Variants in RORA observed in about 807,000 individuals in gnomAD.
RORA encodes the protein RAR related orphan receptor A, also known as nuclear receptor ROR-alpha.
RORA carries 7 observed loss-of-function variants against 69.5 expected under a neutral mutation model. The ratio of observed to expected loss-of-function variants is 0.10; its 90% confidence interval spans 0.06 to 0.19. The LOEUF is 0.19. RORA is among the 10% of genes least tolerant of loss of function. The pLI is 1.00. For synonymous variants in RORA, 261 were observed against 240.8 expected, an observed-to-expected ratio of 1.08 and a Z score of -0.78; for missense variants, 457 against 663.0, an observed-to-expected ratio of 0.69 and a Z score of 3.41.
At chr15:60,682,759 G>A (rs1458751742) in intron 1 of RORA, among the ~76,000 whole-genome samples, 1 of 152,214 alleles carries the variant, frequency 6.6e-6, no homozygotes, top group African/African-American at 2.4e-5. Context: ...TGCAGGTTTT[G>A]ATTCACTTCC....
chr15:60,882,551 T>C (rs1047892819), intron 1 of RORA, among the ~76,000 whole-genome samples: 1 of 152,060 alleles, frequency 6.6e-6, no homozygotes, highest in African/African-American at 2.4e-5. Flanking sequence ...TAGAGCTACA[T>C]GCGGCACTCA....
intron 1 of RORA, among the ~76,000 whole-genome samples, chr15:60,866,159 A>G (rs1357863450): frequency 6.6e-6 from 1 of 152,022 alleles, no homozygotes; most frequent in African/African-American, 2.4e-5. Context: ...CTTCTATCTA[A>G]CTGTATTTTT....
At chr15:60,838,004 C>T (rs1418423659) in intron 1 of RORA, among the ~76,000 whole-genome samples, 1 of 152,102 alleles carries the variant, frequency 6.6e-6, no homozygotes, top group Non-Finnish European at 1.5e-5. Flanking sequence ...AAATGAACAA[C>T]CCGGCTCTAT....
In RORA at chr15:60,523,970, C is replaced by T. The variant is rs946747858; in HGVS notation, c.282+7796G>A. Reference sequence around the variant, plus strand: ...GATTACAGGCATGAGCCACTGCACCCGACCTAGAAGAGAATGACCCACAGC... The same window carrying T: ...GATTACAGGCATGAGCCACTGCACCTGACCTAGAAGAGAATGACCCACAGC... On this transcript the variant is annotated intron_variant, in intron 3 of 10. Coordinates refer to ENST00000335670, the MANE Select transcript of RORA (RefSeq NM_134261.3). Among the ~76,000 whole-genome samples, 12 of 152,308 alleles carry T rather than the reference C, an allele frequency of 7.9e-5. 1 individual carries two copies. The highest frequency in any genetic ancestry group is 2.1e-4 in the South Asian group (1 of 4,824).
Position 60,526,340 on chromosome 15 carries a change from A to G in RORA, c.282+5426T>C, listed in dbSNP as rs548148331. ...CCAATACAAGTGAAGACATTCAGCA[A>G]TGGTTATTCCCAAGCACGCACGAGG... On this transcript the variant is annotated intron_variant, in intron 3 of 10. Coordinates refer to ENST00000335670, the MANE Select transcript of RORA (RefSeq NM_134261.3). Among the ~76,000 whole-genome samples the G allele has an allele frequency of 6.6e-5, 10 of 152,354 alleles. No homozygotes were observed. The South Asian group carries it at 1.7e-3, about 25-fold the overall frequency.
chr15:61,143,265 T>C (rs1425342523), intron 1 of RORA, among the ~76,000 whole-genome samples: 2 of 152,010 alleles, frequency 1.3e-5, no homozygotes, highest in African/African-American at 4.8e-5. Context: ...TAGAAAAGTA[T>C]AGAATTCACA....
rs537158713 is a variant in RORA at position 61,001,832 on chromosome 15, A to G, written c.166+227221T>C. On this transcript the variant is annotated intron_variant, in intron 1 of 10. Transcript: ENST00000335670. ...GTTACTTCTATGTGGCCAAGGAAAA[A>G]AGAACTCTCTGAGGAAGGGGCATTT... Among the ~76,000 whole-genome samples the G allele has an allele frequency of 6.4e-4, 98 of 152,366 alleles. 1 individual carries two copies. Among genetic ancestry groups the G allele is most frequent in the Admixed American group, 2.8e-3 (43 of 15,314 alleles).
intron 1 of RORA, among the ~76,000 whole-genome samples, chr15:60,970,757 A>C (rs181515153): frequency 3.3e-5 from 5 of 152,298 alleles, no homozygotes; most frequent in African/African-American, 1.2e-4. Context: ...CCTCCAAACT[A>C]ATACGGTTGT....
intron 1 of RORA, among the ~76,000 whole-genome samples, chr15:61,054,923 A>T (rs1302091050): frequency 1.4e-5 from 2 of 145,380 alleles, no homozygotes; most frequent in African/African-American, 5.1e-5. Flanking sequence ...TGTAGCTTCC[A>T]CCTCCTGAGC....
intron 1 of RORA, among the ~76,000 whole-genome samples, chr15:60,821,245 C>A (rs1290110141): frequency 6.6e-6 from 1 of 152,112 alleles, no homozygotes; most frequent in Non-Finnish European, 1.5e-5. Flanking sequence ...TAGCCAACTC[C>A]CCCTTGCCAT....
chr15:61,036,416 G>T (rs1290052039), intron 1 of RORA, among the ~76,000 whole-genome samples: 1 of 152,174 alleles, frequency 6.6e-6, no homozygotes, highest in Non-Finnish European at 1.5e-5. Flanking sequence ...TGTGCTTCAG[G>T]AAGCTTAAGT....
rs977268125 is a variant in RORA at position 60,688,260 on chromosome 15, G to GA, written c.167-9575dup. 2.5e-4 allele frequency among the ~76,000 whole-genome samples: 37 copies of GA among 149,074 alleles called. No individual in the cohort carries two copies. The South Asian group carries it at 5.1e-3, about 21-fold the overall frequency. ...ATAGTATATCATTTTGTCAAAAAAG[G>GA]AAAAAAAAATGTATAGAAAAAAGAC... is the stretch of plus-strand genomic sequence containing the variant. On this transcript the variant is annotated intron_variant, in intron 1 of 10. Coordinates refer to ENST00000335670, the MANE Select transcript of RORA (RefSeq NM_134261.3).
rs1460514891 is a variant in RORA, at chr15:60,495,212, A to T, written c.*2243T>A. The T allele has an allele frequency of 6.6e-6, 1 of 152,172 alleles. No homozygotes were observed. Among genetic ancestry groups the T allele is most frequent in the Non-Finnish European group, 1.5e-5 (1 of 68,016 alleles). 9.4% of individuals were successfully genotyped at this position (152,172 alleles called of 1,614,324 possible). On this transcript the variant is annotated 3_prime_UTR_variant, in exon 11 of 11. Transcript: ENST00000335670. ...AATAAATAACTGAACTAAGCTTGGT[A>T]CTCTTTTCAGAGTATAAATACTACT...
chr15:60,988,095 T>C (rs538284100), intron 1 of RORA, among the ~76,000 whole-genome samples: 1 of 152,292 alleles, frequency 6.6e-6, no homozygotes, highest in East Asian at 1.9e-4. Context: ...AATCCATCAA[T>C]ACAAAGCTGT....
At chr15:60,790,424 G>T (rs955402416) in intron 1 of RORA, among the ~76,000 whole-genome samples, 1 of 152,206 alleles carries the variant, frequency 6.6e-6, no homozygotes, top group African/African-American at 2.4e-5. Context: ...TGATGGAGAG[G>T]CTAGTGGAAA....
chr15:61,164,833 A>T (rs1378410900), intron 1 of RORA, among the ~76,000 whole-genome samples: 3 of 152,202 alleles, frequency 2.0e-5, no homozygotes, highest in African/African-American at 7.2e-5. Context: ...TAACAGAAAA[A>T]ATATAAATGT....
chr15:60,693,033 T>C (rs1287864712), intron 1 of RORA, among the ~76,000 whole-genome samples: 1 of 152,138 alleles, frequency 6.6e-6, no homozygotes, highest in East Asian at 1.9e-4. Flanking sequence ...CTGATGAACA[T>C]TGATGCAAAA....
At chr15:60,562,598 G>A (rs1441452496) in intron 2 of RORA, among the ~76,000 whole-genome samples, 2 of 146,814 alleles carry the variant, frequency 1.4e-5, no homozygotes, top group African/African-American at 5.4e-5. Context: ...ACCACGCCCA[G>A]CTAACTTTCT....
At chr15:60,675,968 A>G (rs935336381) in intron 2 of RORA, among the ~76,000 whole-genome samples, 1 of 152,230 alleles carries the variant, frequency 6.6e-6, no homozygotes. Flanking sequence ...TATGTAGTCA[A>G]GTCTTGACTA....
Sources: allele counts gnomAD v4.1 joint callset (sites outside exome capture counted in the v4.1 genomes callset), GRCh38; gene constraint gnomAD v4.1.1; transcripts MANE v1.5; gene names NCBI Gene and HGNC (gene_info 2026-07-23, HGNC 2026-07-21).